LRRC4B: variants seen among roughly 807,000 people sequenced by gnomAD.
The protein encoded by LRRC4B is leucine rich repeat containing 4B, also known as leucine-rich repeat-containing protein 4B.
In LRRC4B, 1 loss-of-function variant was observed where a neutral mutation model predicts 7.3. That is an observed-to-expected ratio of 0.14 (90% confidence interval 0.05 to 0.65). LRRC4B has a LOEUF of 0.65. Among genes scored for constraint, LRRC4B ranks in the 30% least tolerant of loss-of-function variants. The pLI is 0.84. For synonymous variants in LRRC4B, 500 were observed against 499.2 expected (o/e 1.00, Z -0.02); for missense variants, 730 against 1,041.6 (o/e 0.70, Z 4.12).
chr19:50,520,858 T>G (rs1377692857), intron 2 of LRRC4B, among the ~76,000 whole-genome samples: 3 of 151,932 alleles, frequency 2.0e-5, no homozygotes, highest in Non-Finnish European at 2.9e-5. Context: ...AAAACTGGAG[T>G]GGCCATCCGA....
chr19:50,525,041 C>T (rs1457227596), intron 2 of LRRC4B, among the ~76,000 whole-genome samples: 1 of 152,256 alleles, frequency 6.6e-6, no homozygotes, highest in African/African-American at 2.4e-5. Flanking sequence ...TGCGCCCCTC[C>T]CCGTCTCGCT....
chr19:50,527,362 T>C (rs1481743741), intron 2 of LRRC4B, among the ~76,000 whole-genome samples: 10 of 150,048 alleles, frequency 6.7e-5, no homozygotes, highest in Admixed American at 3.3e-4. Context: ...TTTTTTTTTT[T>C]TTTTTAGTAG....
In LRRC4B at chr19:50,519,194, G is replaced by T. The variant is rs1299342143; in HGVS notation, c.519C>A (p.Ile173=). 6.2e-7 allele frequency: 1 copy of T among 1,613,996 alleles called. No homozygotes were observed. Among genetic ancestry groups the T allele is most frequent in the East Asian group, 2.2e-5 (1 of 44,878 alleles). Residue 173 remains isoleucine (I), a synonymous_variant, in exon 3 of 3, where the codon ATC becomes ATA. Coordinates refer to ENST00000652263, the MANE Select transcript of LRRC4B (RefSeq NM_001080457.2). The surrounding 1 kb of genome is among the most constrained non-coding windows in gnomAD (Gnocchi z 8.1). The part of the protein sequence containing the change: ...LWLRNNPIES[I]PSYAFNRVPS... ...GCACGCGGTTGAAGGCGTAGGAGGG[G>T]ATGCTCTCGATGGGGTTGTTCCGCA...
chr19:50,567,238 A>C (rs1054077205), intron 1 of LRRC4B, among the ~76,000 whole-genome samples: 4 of 151,066 alleles, frequency 2.6e-5, no homozygotes, highest in Admixed American at 2.6e-4. Context: ...AAGGCCCCAA[A>C]GCCTAGTGGG....
At chr19:50,523,425 C>A (rs1425060377) in intron 2 of LRRC4B, among the ~76,000 whole-genome samples, 1 of 150,142 alleles carries the variant, frequency 6.7e-6, no homozygotes, top group East Asian at 1.9e-4. Context: ...CACCTGTAAT[C>A]CCAGCACTTA....
rs1353702276 is a variant in LRRC4B, at chr19:50,519,303, T to C, written c.410A>G (p.Asn137Ser). 2 of 1,613,882 alleles carry C rather than the reference T, an allele frequency of 1.2e-6. No individual in the cohort carries two copies. Among genetic ancestry groups the C allele is most frequent in the African/African-American group, 2.7e-5 (2 of 75,050 alleles). Reference sequence around the variant, plus strand: ...CCGGTTGTCAAAAAGCTCCAGCGTGTTGAGGCTGGGCAGCCCGTTGAAGGC... The same window carrying C: ...CCGGTTGTCAAAAAGCTCCAGCGTGCTGAGGCTGGGCAGCCCGTTGAAGGC... ...VGAFNGLPSL[N>S]TLELFDNRLT... is the part of the protein sequence containing the mutation. The change falls in exon 3 of 3, where the codon AAC (asparagine) becomes AGC (serine). Residue 137 changes from asparagine to serine, a missense_variant. Around this residue, in one of 6 missense-constraint regions of LRRC4B, gnomAD observed 226 missense variants for 448.0 expected, o/e 0.50. Transcript: ENST00000652263. This position sits in a 1 kb window ranked among gnomAD's most constrained non-coding sequence, Gnocchi z 8.1.
intron 2 of LRRC4B, among the ~76,000 whole-genome samples, chr19:50,521,896 C>T (rs79220792): frequency 0.031 from 4,597 of 150,234 alleles, 223 homozygotes; most frequent in African/African-American, 0.11. Context: ...AAAAATAAGG[C>T]TGGGCATGGT....
At chr19:50,541,131 C>A (rs1373865657) in intron 2 of LRRC4B, among the ~76,000 whole-genome samples, 1 of 151,250 alleles carries the variant, frequency 6.6e-6, no homozygotes, top group Non-Finnish European at 1.5e-5. Flanking sequence ...TTGCAGTGAG[C>A]CGAGATGGCG....
chr19:50,518,533 CGGA>C lies in LRRC4B; in HGVS notation c.1177_1179del (p.Ser393del). On this transcript the variant is annotated inframe_deletion, in exon 3 of 3. Transcript: ENST00000652263. ...GTGCCGTTGGGCGTCAGCCAGTTGA[CGGA>C]GGTCATGGAGGTGCCCGTGCGGCAT... 6.3e-7 allele frequency: 1 copy of C among 1,577,186 alleles called. No homozygotes were observed. Among genetic ancestry groups the C allele is most frequent in the Non-Finnish European group, 8.6e-7 (1 of 1,159,106 alleles).
At position 50,517,714 on chromosome 19, in the gene LRRC4B, C is replaced by A; in HGVS notation, c.1999G>T (p.Ala667Ser). 1.3e-6 allele frequency: 2 copies of A among 1,552,972 alleles called. No individual in the cohort carries two copies. The highest frequency in any genetic ancestry group is 1.7e-6 in the Non-Finnish European group (2 of 1,151,424). ...RDHLNHHHYV[A>S]AAFKAHYSSN... ...CTGTAGTGCGCCTTGAAGGCGGCAG[C>A]CACGTAGTGGTGGTGGTTGAGGTGG... Residue 667 changes from alanine to serine, a missense_variant, in exon 3 of 3, where the codon GCT (alanine) becomes TCT (serine). Physicochemically the swap from Ala to Ser is moderately conservative, Grantham distance 99. This residue lies in a region of LRRC4B where 160 missense variants were observed against 163.9 expected (regional missense o/e 0.98). Transcript: ENST00000652263. This position sits in a 1 kb window ranked among gnomAD's most constrained non-coding sequence, Gnocchi z 6.6.
chr19:50,536,669 C>T (rs1242373911), intron 2 of LRRC4B, among the ~76,000 whole-genome samples: 1 of 152,198 alleles, frequency 6.6e-6, no homozygotes, highest in African/African-American at 2.4e-5. Context: ...CCTAGACTCG[C>T]CACGGGGTGG....
chr19:50,554,337 G>A (rs1982200603), intron 1 of LRRC4B, among the ~76,000 whole-genome samples: 4 of 151,858 alleles, frequency 2.6e-5, no homozygotes, highest in Admixed American at 2.6e-4. Context: ...CAATGTCCCG[G>A]GTCACCCTCC....
chr19:50,548,805 G>GCGGGGGGCA lies in LRRC4B; in HGVS notation c.25_33dup (p.Cys9_Pro11dup), dbSNP rs1442492534. 6.6e-7 allele frequency: 1 copy of GCGGGGGGCA among 1,511,834 alleles called. No individual in the cohort carries two copies. The allele number at this position is 1,511,834 out of a possible 1,614,324, so 93.7% of individuals were successfully genotyped here. ...GGCCAGGACATCCTACCGGGCGGCA[G>GCGGGGGGCA]CGGGGGGCACGGGGAGCCGCGGGCA... On this transcript the variant is annotated inframe_insertion, in exon 2 of 3. Transcript: ENST00000652263. The surrounding 1 kb of genome is among the most constrained non-coding windows in gnomAD (Gnocchi z 6.8).
chr19:50,522,459 A>ATTATTATTTAT (rs1555805580), intron 2 of LRRC4B, among the ~76,000 whole-genome samples: 2 of 147,182 alleles, frequency 1.4e-5, no homozygotes, highest in South Asian at 4.3e-4. Context: ...TATTTTATTT[A>ATTATTATTTAT]TTATTTATTT....
intron 1 of LRRC4B, chr19:50,551,005 G>A (rs574781154): frequency 2.0e-5 from 3 of 152,202 alleles, no homozygotes; most frequent in Non-Finnish European, 2.9e-5. Context: ...CACCCACCCC[G>A]GCCTCCAGGC....
At chr19:50,558,686 C>A (rs1982363777) in intron 1 of LRRC4B, among the ~76,000 whole-genome samples, 1 of 152,280 alleles carries the variant, frequency 6.6e-6, no homozygotes, top group African/African-American at 2.4e-5. Context: ...CTTCATTCGA[C>A]TTGATGTGAC....
rs374321516 is a variant in LRRC4B at position 50,527,934 on chromosome 19, G to C, written c.298-8519C>G. Among the ~76,000 whole-genome samples, 5 of 151,380 alleles carry C rather than the reference G, an allele frequency of 3.3e-5. No homozygotes were observed. In the East Asian group the frequency reaches 5.9e-4, roughly 18 times the overall value. On this transcript the variant is annotated intron_variant, in intron 2 of 2. Coordinates refer to ENST00000652263, the MANE Select transcript of LRRC4B (RefSeq NM_001080457.2). Reference sequence around the variant, plus strand: ...TTTTTTGTATTTTTAGTAGAGACGGGGTTTCACCGTGTTAGCCAGGATGGT... The same window carrying C: ...TTTTTTGTATTTTTAGTAGAGACGGCGTTTCACCGTGTTAGCCAGGATGGT...
chr19:50,517,813 C>G lies in LRRC4B; in HGVS notation c.1900G>C (p.Ala634Pro). ...CCCCCACTGGCCACGGCGGCCGCGGCGGCCACGGACACGGCCGAGGCGGCG... is the reference window on the plus strand; with the variant it reads ...CCCCCACTGGCCACGGCGGCCGCGGGGGCCACGGACACGGCCGAGGCGGCG... Reference protein sequence around the residue: ...LPAASAVSVAAAAAVASGGGV... With the variant: ...LPAASAVSVAPAAAVASGGGV... Residue 634 changes from alanine to proline, a missense_variant, in exon 3 of 3, where the codon GCC becomes CCC. Transcript: ENST00000652263. This position sits in a 1 kb window ranked among gnomAD's most constrained non-coding sequence, Gnocchi z 6.6. The G allele has an allele frequency of 6.4e-7, 1 of 1,554,586 alleles. No homozygotes were observed. Among genetic ancestry groups the G allele is most frequent in the Non-Finnish European group, 8.6e-7 (1 of 1,156,502 alleles).
At chr19:50,526,430 G>A (rs116136209) in intron 2 of LRRC4B, among the ~76,000 whole-genome samples, 1,813 of 152,238 alleles carry the variant, frequency 0.012, 38 homozygotes, top group African/African-American at 0.041. Context: ...TCTGGTCAGG[G>A]ATCCCCGGGG....
Sources: gnomAD v4.1 joint callset for allele counts (sites outside exome capture counted in the v4.1 genomes callset) on GRCh38, gnomAD v4.1.1 for gene constraint, gnomAD v4.1.1 regional missense constraint, Gnocchi (gnomAD v3.1) non-coding constraint, MANE v1.5 for transcripts, NCBI Gene and HGNC (gene_info 2026-07-23, HGNC 2026-07-21) for gene names.